Variants in RSRC2 observed in about 807,000 individuals in gnomAD.
The protein encoded by RSRC2 is arginine and serine rich coiled-coil 2.
RSRC2 carries 5 observed loss-of-function variants against 61.3 expected under a neutral mutation model. That is an observed-to-expected ratio of 0.08 (90% CI 0.04 to 0.17). The LOEUF is 0.17. RSRC2 is among the 10% of genes least tolerant of loss of function. RSRC2 has a pLI of 1.00. For missense variants in RSRC2, 381 were observed against 518.8 expected (o/e 0.73, Z 2.58); for synonymous variants, 202 against 166.5 (o/e 1.21, Z -1.64).
chr12:122,516,010 T>A (rs1356759479), intron 5 of RSRC2, among the ~76,000 whole-genome samples: 1 of 151,764 alleles, frequency 6.6e-6, no homozygotes, highest in Non-Finnish European at 1.5e-5. Context: ...AAAAACTAGA[T>A]GTCAGTGACC....
chr12:122,514,893 GAA>G (rs1220360453), intron 6 of RSRC2: 2 of 682,696 alleles, frequency 2.9e-6, no homozygotes, highest in African/African-American at 3.7e-5. Context: ...AATCATGAAG[GAA>G]AAAACAGAAA....
chr12:122,523,673 G>A (rs1359099406), intron 1 of RSRC2: 1 of 152,226 alleles, frequency 6.6e-6, no homozygotes, highest in Admixed American at 6.5e-5. Flanking sequence ...CCTCCTTTAG[G>A]AAAGTTAGTC....
chr12:122,514,887 A>G, intron 6 of RSRC2: 1 of 697,988 alleles, frequency 1.4e-6, no homozygotes, highest in Non-Finnish European at 2.1e-6. Flanking sequence ...CAGTTAAATC[A>G]TGAAGGAAAA....
chr12:122,519,210 CTA>C lies in RSRC2; in HGVS notation c.208-183_208-182del, dbSNP rs1565902445. The C allele has an allele frequency of 3.1e-5, 17 of 546,660 alleles. No individual in the cohort carries two copies. The Middle Eastern group carries it at 1.5e-3, about 47-fold the overall frequency. 33.9% of individuals were successfully genotyped at this position (546,660 alleles called of 1,614,324 possible). On this transcript the variant is annotated intron_variant, in intron 3 of 9. Coordinates refer to ENST00000331738, the MANE Select transcript of RSRC2 (RefSeq NM_023012.6). ...GCAGATGTAATTACTATTTTTTTTA[CTA>C]TAAACACCCAAAATGTAGTTCCTCC...
chr12:122,526,405 C>T lies in RSRC2; in HGVS notation c.6+443G>A, dbSNP rs115410040. ...AAAAAAAAAATAGCTACAAGTCGCTCTCTTCTCCCACACTACCCTTTACAG... is the reference window on the plus strand; with the variant it reads ...AAAAAAAAAATAGCTACAAGTCGCTTTCTTCTCCCACACTACCCTTTACAG... On this transcript the variant is annotated intron_variant, in intron 1 of 9. Coordinates refer to ENST00000331738, the MANE Select transcript of RSRC2 (RefSeq NM_023012.6). The T allele has an allele frequency of 4.6e-3, 791 of 173,552 alleles. 6 individuals carry two copies. The highest frequency in any genetic ancestry group is 0.018 in the African/African-American group (762 of 42,116). 10.8% of individuals were successfully genotyped at this position (173,552 alleles called of 1,614,324 possible).
At chr12:122,509,820 A>G (rs755310454) in intron 7 of RSRC2, among the ~76,000 whole-genome samples, 2 of 152,106 alleles carry the variant, frequency 1.3e-5, no homozygotes, top group Non-Finnish European at 2.9e-5. Context: ...CTTCGTGATA[A>G]TTTTTTGTTT....
intron 7 of RSRC2, among the ~76,000 whole-genome samples, chr12:122,508,817 G>A (rs75536013): frequency 0.033 from 5,054 of 152,020 alleles, 292 homozygotes; most frequent in African/African-American, 0.12. Context: ...TTAGCCGGGC[G>A]TGGTGGTACA....
intron 8 of RSRC2, chr12:122,507,262 C>T (rs1218805479): frequency 1.3e-5 from 4 of 311,668 alleles, no homozygotes; most frequent in African/African-American, 8.8e-5. Context: ...ACCTGTAGAC[C>T]CAGGAGGGTC....
At chr12:122,525,823 T>TG (rs1960196411) in intron 1 of RSRC2, among the ~76,000 whole-genome samples, 1 of 21,872 alleles carries the variant, frequency 4.6e-5, no homozygotes, top group Non-Finnish European at 7.8e-5. Context: ...TTTTTTTTTT[T>TG]TTTTTTTTTT....
intron 6 of RSRC2, among the ~76,000 whole-genome samples, chr12:122,512,526 G>A (rs1479011963): frequency 6.6e-6 from 1 of 152,074 alleles, no homozygotes; most frequent in Non-Finnish European, 1.5e-5. Flanking sequence ...TCAGGAGTTA[G>A]AGTCCAGCTT....
intron 5 of RSRC2, among the ~76,000 whole-genome samples, chr12:122,516,326 C>T (rs1428393833): frequency 2.6e-5 from 4 of 152,180 alleles, no homozygotes; most frequent in African/African-American, 4.8e-5. Context: ...TTATTGTACA[C>T]CTCCTATCTC....
chr12:122,508,937 C>T (rs916927968), intron 7 of RSRC2, among the ~76,000 whole-genome samples: 15 of 151,336 alleles, frequency 9.9e-5, no homozygotes, highest in African/African-American at 3.7e-4. Context: ...GCCTGGGCAA[C>T]AAGAGCGAAA....
Position 122,505,335 on chromosome 12 carries a change from G to A in RSRC2, c.*192C>T. ...TTCTATAGTCCTGTCAAGTTTAATGGAAGTGGGTTTAACCTGATTACAACA... is the reference window on the plus strand; with the variant it reads ...TTCTATAGTCCTGTCAAGTTTAATGAAAGTGGGTTTAACCTGATTACAACA... On this transcript the variant is annotated 3_prime_UTR_variant, in exon 10 of 10. Coordinates refer to ENST00000331738, the MANE Select transcript of RSRC2 (RefSeq NM_023012.6). 2.2e-6 allele frequency: 1 copy of A among 460,336 alleles called. No homozygotes were observed. Among genetic ancestry groups the A allele is most frequent in the Non-Finnish European group, 3.8e-6 (1 of 262,552 alleles). 28.5% of individuals were successfully genotyped at this position (460,336 alleles called of 1,614,324 possible). A position where few individuals can be genotyped will look rare whatever the true frequency, so the allele number is the denominator to read the frequency against.
chr12:122,512,892 C>T (rs1463215547), intron 6 of RSRC2, among the ~76,000 whole-genome samples: 1 of 152,018 alleles, frequency 6.6e-6, no homozygotes, highest in Non-Finnish European at 1.5e-5. Flanking sequence ...TTAGCAGTAA[C>T]AATAAAATGT....
At chr12:122,526,426 T>C (rs916272784) in intron 1 of RSRC2, 2 of 209,784 alleles carry the variant, frequency 9.5e-6, no homozygotes, top group South Asian at 7.7e-5. Flanking sequence ...CACTACCCTT[T>C]ACAGACACTG....
At chr12:122,508,022 T>A (rs768809345) in intron 8 of RSRC2, 196 bp downstream of exon 8, 104 of 636,394 alleles carry the variant, frequency 1.6e-4, no homozygotes, top group South Asian at 2.5e-4. Flanking sequence ...CAGGCTGGTC[T>A]TGGACTCCTT....
intron 3 of RSRC2, 30 bp from the exon 4 acceptor site, chr12:122,519,059 G>A (rs767310481): frequency 1.3e-6 from 2 of 1,591,020 alleles, no homozygotes; most frequent in Non-Finnish European, 1.7e-6. Flanking sequence ...GTTCTTTCAG[G>A]AAAATAGTGC....
intron 6 of RSRC2, chr12:122,514,874 A>G (rs1039104761): frequency 1.2e-5 from 8 of 666,932 alleles, no homozygotes; most frequent in East Asian, 3.8e-5. Flanking sequence ...AGAAAAATGA[A>G]ATCAGTTAAA....
chr12:122,517,731 C>G (rs2137512430), intron 4 of RSRC2, among the ~76,000 whole-genome samples: 1 of 152,196 alleles, frequency 6.6e-6, no homozygotes, highest in South Asian at 2.1e-4. Context: ...AATCTTAATA[C>G]TTTAGTTTAT....
Sources: allele counts gnomAD v4.1 joint callset (sites outside exome capture counted in the v4.1 genomes callset), GRCh38; gene constraint gnomAD v4.1.1; transcripts MANE v1.5; gene names NCBI Gene and HGNC (gene_info 2026-07-23, HGNC 2026-07-21).